The following ELF2 variants were observed in gnomAD, a reference collection of about 807,000 sequenced individuals.
ELF2 encodes the protein E74 like ETS transcription factor 2.
Under a neutral mutation model 54.8 loss-of-function variants are expected in ELF2, and 11 were observed. The observed-to-expected ratio is 0.20, with a 90% CI of 0.13 to 0.33. ELF2 has a LOEUF of 0.33. Ranked by LOEUF, ELF2 falls within the 10% of genes least tolerant of loss-of-function variation. The probability of loss-of-function intolerance (pLI) is 1.00; values close to 1 mark genes in which losing one functional copy is unlikely to be tolerated. For synonymous variants in ELF2, 203 were observed against 245.1 expected (o/e 0.83, Z 1.61); for missense variants, 513 against 703.0 (o/e 0.73, Z 3.06).
chr4:139,084,607 G>C, intron 4 of ELF2: 1 of 178,174 alleles, frequency 5.6e-6, no homozygotes, highest in Non-Finnish European at 1.1e-5. Flanking sequence ...GGAGCCGCGC[G>C]AGGACACAGC....
chr4:139,157,902 A>G (rs1740708403), intron 1 of ELF2, among the ~76,000 whole-genome samples: 1 of 152,258 alleles, frequency 6.6e-6, no homozygotes, highest in Non-Finnish European at 1.5e-5. Flanking sequence ...CCAGTGGCGC[A>G]ATGGATAACG....
At chr4:139,138,144 G>A (rs997843467) in intron 2 of ELF2, among the ~76,000 whole-genome samples, 4 of 152,190 alleles carry the variant, frequency 2.6e-5, no homozygotes, top group Admixed American at 6.5e-5. Context: ...TGTGCCAGGT[G>A]CGGTGGCTCA....
intron 4 of ELF2, chr4:139,084,565 CGA>C (rs1328444131): frequency 2.9e-6 from 1 of 340,796 alleles, no homozygotes; most frequent in African/African-American, 2.2e-5. Context: ...CAGCCTGCGG[CGA>C]GAGACACCTG....
At chr4:139,148,895 T>C (rs1394298671) in intron 1 of ELF2, among the ~76,000 whole-genome samples, 2 of 152,236 alleles carry the variant, frequency 1.3e-5, no homozygotes, top group African/African-American at 4.8e-5. Flanking sequence ...CAACAAAATG[T>C]TTAGGTAATT....
chr4:139,081,938 C>T (rs1731172303), intron 4 of ELF2, among the ~76,000 whole-genome samples: 1 of 152,042 alleles, frequency 6.6e-6, no homozygotes, highest in African/African-American at 2.4e-5. Context: ...CTTTAAGATT[C>T]GTATATAGTA....
In ELF2 at chr4:139,068,940, G is replaced by A. The variant is rs540639685; in HGVS notation, c.527-1170C>T. Among the ~76,000 whole-genome samples the A allele has an allele frequency of 1.0e-3, 157 of 151,642 alleles. 1 individual carries two copies. The highest frequency in any genetic ancestry group is 3.6e-3 in the African/African-American group (147 of 41,276). ...GTCACCCAGACTGGAGCGCAGTGAC[G>A]CGAACACAGCTCCCTACAGCCTGGG... On this transcript the variant is annotated intron_variant, in intron 6 of 9. Coordinates refer to ENST00000686138, the MANE Select transcript of ELF2 (RefSeq NM_001331036.3).
chr4:139,075,186 A>C (rs1730116898), intron 4 of ELF2, among the ~76,000 whole-genome samples: 1 of 152,182 alleles, frequency 6.6e-6, no homozygotes, highest in African/African-American at 2.4e-5. Context: ...GTTACTTGTA[A>C]AACAATGTGT....
At chr4:139,078,492 C>A (rs1431751118) in intron 4 of ELF2, among the ~76,000 whole-genome samples, 1 of 151,634 alleles carries the variant, frequency 6.6e-6, no homozygotes, top group East Asian at 1.9e-4. Flanking sequence ...GTCTGGAATA[C>A]TCCATCTTCA....
chr4:139,099,194 T>C (rs1327112669), intron 4 of ELF2, among the ~76,000 whole-genome samples: 1 of 152,236 alleles, frequency 6.6e-6, no homozygotes, highest in Non-Finnish European at 1.5e-5. Context: ...GCCTTATCTC[T>C]CAACCATACC....
intron 4 of ELF2, among the ~76,000 whole-genome samples, chr4:139,083,213 G>C (rs1731410351): frequency 6.6e-6 from 1 of 152,156 alleles, no homozygotes; most frequent in South Asian, 2.1e-4. Flanking sequence ...GGGCAATTCC[G>C]TGCTGAGACT....
intron 3 of ELF2, among the ~76,000 whole-genome samples, chr4:139,130,893 T>A (rs78562481): frequency 0.027 from 4,087 of 152,276 alleles, 97 homozygotes; most frequent in African/African-American, 0.064. Flanking sequence ...TTTTCTGCCA[T>A]ATGATACAGA....
intron 6 of ELF2, among the ~76,000 whole-genome samples, chr4:139,071,512 C>CGT (rs932384831): frequency 4.6e-5 from 7 of 150,890 alleles, no homozygotes; most frequent in African/African-American, 7.3e-5. Flanking sequence ...AAATGTTGTG[C>CGT]GTGTGTGTGT....
At chr4:139,105,372 A>G (rs1381717291) in intron 4 of ELF2, among the ~76,000 whole-genome samples, 32 of 152,196 alleles carry the variant, frequency 2.1e-4, no homozygotes, top group Non-Finnish European at 2.9e-5. Flanking sequence ...AATGCCTTGC[A>G]TTTACTAGGT....
At position 139,060,737 on chromosome 4, in the gene ELF2, G is replaced by A. The variant is rs183356088; in HGVS notation, c.807-63C>T. On this transcript the variant is annotated intron_variant, in intron 8 of 9. Coordinates refer to ENST00000686138, the MANE Select transcript of ELF2 (RefSeq NM_001331036.3). ...TATTTCTTCACCCCACTCCACCCCC[G>A]CCAAAAAGACCACATACAGTGGATA... 4,629 of 1,375,658 alleles carry A rather than the reference G, an allele frequency of 3.4e-3. 43 individuals carry two copies. Among genetic ancestry groups the A allele is most frequent in the South Asian group, 0.02 (1,473 of 72,502 alleles). 85.2% of individuals were successfully genotyped at this position (1,375,658 alleles called of 1,614,324 possible). A position where few individuals can be genotyped will look rare whatever the true frequency, so the allele number is the denominator to read the frequency against.
Position 139,123,162 on chromosome 4 carries a change from G to A in ELF2, c.238+2002C>T, listed in dbSNP as rs189957342. ...TTGCACCACTGCACTTCAGCCTGGC[G>A]ACAGAGCGAGACTCTGTCTCAAAAA... On this transcript the variant is annotated intron_variant, in intron 4 of 9. Coordinates refer to ENST00000686138, the MANE Select transcript of ELF2 (RefSeq NM_001331036.3). Among the ~76,000 whole-genome samples, 599 of 147,510 alleles carry A rather than the reference G, an allele frequency of 4.1e-3. 1 individual carries two copies. Among genetic ancestry groups the A allele is most frequent in the Non-Finnish European group, 6.7e-3 (450 of 67,190 alleles).
intron 4 of ELF2, among the ~76,000 whole-genome samples, chr4:139,079,385 G>A (rs1365710186): frequency 6.6e-6 from 1 of 152,042 alleles, no homozygotes; most frequent in Non-Finnish European, 1.5e-5. Context: ...TAACTCCTCT[G>A]TACACTTTTG....
At chr4:139,086,781 G>C (rs1313718256) in intron 4 of ELF2, among the ~76,000 whole-genome samples, 1 of 151,836 alleles carries the variant, frequency 6.6e-6, no homozygotes, top group East Asian at 1.9e-4. Context: ...TAAATAATAG[G>C]GTGTATATAC....
chr4:139,159,538 T>A (rs1304419523), intron 1 of ELF2, among the ~76,000 whole-genome samples: 1 of 152,208 alleles, frequency 6.6e-6, no homozygotes, highest in African/African-American at 2.4e-5. Flanking sequence ...AAGTTGGAAC[T>A]CTAGCTGCTT....
chr4:139,084,673 C>G (rs761066599), intron 4 of ELF2, among the ~76,000 whole-genome samples: 1 of 152,162 alleles, frequency 6.6e-6, no homozygotes, highest in East Asian at 1.9e-4. Context: ...CTGCAATTGT[C>G]CCCCCTCTGG....
Sources: allele counts gnomAD v4.1 joint callset (sites outside exome capture counted in the v4.1 genomes callset), GRCh38; gene constraint gnomAD v4.1.1; transcripts MANE v1.5; gene names NCBI Gene and HGNC (gene_info 2026-07-23, HGNC 2026-07-21).